The following TRIP12 variants were observed in gnomAD, a reference collection of about 807,000 sequenced individuals.
The protein encoded by TRIP12 is E3 ubiquitin-protein ligase TRIP12.
TRIP12 carries 25 observed loss-of-function variants against 244.2 expected under a neutral mutation model. That is an observed-to-expected ratio of 0.10 (90% CI 0.07 to 0.14). The LOEUF (loss-of-function observed/expected upper bound fraction) is 0.14. TRIP12 is among the 10% of genes least tolerant of loss of function. The pLI is 1.00. For synonymous variants in TRIP12, 905 were observed against 873.1 expected (o/e 1.04, Z -0.64); for missense variants, 1,677 against 2,486.4 (o/e 0.67, Z 6.92).
chr2:229,771,314 C>T (rs139369855), intron 39 of TRIP12, among the ~76,000 whole-genome samples: 1 of 152,186 alleles, frequency 6.6e-6, no homozygotes, highest in Admixed American at 6.5e-5. Context: ...ACGCGTGGAA[C>T]CCGCTCCCCA....
intron 26 of TRIP12, among the ~76,000 whole-genome samples, chr2:229,793,524 AT>A (rs1208886014): frequency 6.6e-5 from 10 of 151,902 alleles, no homozygotes; most frequent in Non-Finnish European, 1.3e-4. Flanking sequence ...ATTGAATTAT[AT>A]TTTTTAAAAA....
chr2:229,786,131 A>C (rs1160488516), intron 33 of TRIP12, among the ~76,000 whole-genome samples: 4 of 152,174 alleles, frequency 2.6e-5, no homozygotes, highest in African/African-American at 9.7e-5. Context: ...GGAAGAAAAA[A>C]ATCGTCTTTG....
intron 8 of TRIP12, among the ~76,000 whole-genome samples, chr2:229,819,848 C>T (rs995543924): frequency 6.6e-6 from 1 of 152,122 alleles, no homozygotes; most frequent in Non-Finnish European, 1.5e-5. Context: ...CAGTGATATT[C>T]CTGGGGGCGT....
intron 4 of TRIP12, among the ~76,000 whole-genome samples, chr2:229,854,125 C>CT (rs2059208658): frequency 1.3e-5 from 2 of 152,072 alleles, no homozygotes; most frequent in Admixed American, 1.3e-4. Context: ...AAAGTCTGGG[C>CT]TTTCGGTATT....
At chr2:229,864,049 T>TGA (rs1220540272) in intron 2 of TRIP12, among the ~76,000 whole-genome samples, 73 of 68,552 alleles carry the variant, frequency 1.1e-3, no homozygotes, top group South Asian at 6.9e-3. Context: ...AGAGAGAGAG[T>TGA]GTGTGTGTGT....
At chr2:229,868,979 G>C (rs139799009) in intron 2 of TRIP12, among the ~76,000 whole-genome samples, 1,739 of 152,290 alleles carry the variant, frequency 0.011, 14 homozygotes, top group Middle Eastern at 0.027. Flanking sequence ...AATCACTGCT[G>C]GGGGAAGTTT....
At chr2:229,922,922 C>T (rs1159954797), upstream of TRIP12, among the ~76,000 whole-genome samples, 1 of 152,214 alleles carries the variant, frequency 6.6e-6, no homozygotes, top group Non-Finnish European at 1.5e-5. Context: ...ACGGGCGTCT[C>T]CGGCTTGCGT....
chr2:229,803,938 T>A lies in TRIP12; in HGVS notation c.2879+61A>T, dbSNP rs2045168633. 3 of 1,430,852 alleles carry A rather than the reference T, an allele frequency of 2.1e-6. 1 individual carries two copies. In the African/African-American group the frequency reaches 4.3e-5, roughly 21 times the overall value. 88.6% of individuals were successfully genotyped at this position (1,430,852 alleles called of 1,614,324 possible). A position where few individuals can be genotyped will look rare whatever the true frequency, so the allele number is the denominator to read the frequency against. The stretch of plus-strand genomic sequence containing the variant: ...TTTTTCTATTATTACTTTAGAGGTT[T>A]CTGAAATTACTTGCAGAGATTTGTA... On this transcript the variant is annotated intron_variant, in intron 19 of 41. Coordinates refer to ENST00000675903, the MANE Select transcript of TRIP12 (RefSeq NM_001348323.3).
At chr2:229,800,185 A>G (rs1332124631) in intron 21 of TRIP12, among the ~76,000 whole-genome samples, 2 of 152,226 alleles carry the variant, frequency 1.3e-5, no homozygotes, top group African/African-American at 2.4e-5. Context: ...AAGTAATTTC[A>G]TAGTGTGACA....
rs1287357708 is a variant in TRIP12 at position 229,796,750 on chromosome 2, G to C, written c.3657C>G (p.Ile1219Met). Residue 1219 changes from isoleucine (I) to methionine (M), a missense_variant, in exon 25 of 42, where the codon ATC (isoleucine) becomes ATG (methionine). Physicochemically the swap from Ile to Met is conservative, Grantham distance 10 (BLOSUM62 1). Transcript: ENST00000675903. ...VDGGAECLVEIRSIVSESDVS... is the reference protein window; with the variant it reads ...VDGGAECLVEMRSIVSESDVS... ...CATCTGACTCTGAGACTATGCTACGGATTTCTACAAGGCACTCAGCTCCAC... is the reference window on the plus strand; with the variant it reads ...CATCTGACTCTGAGACTATGCTACGCATTTCTACAAGGCACTCAGCTCCAC... 6.2e-7 allele frequency: 1 copy of C among 1,600,644 alleles called. No individual in the cohort carries two copies. The highest frequency in any genetic ancestry group is 8.5e-7 in the Non-Finnish European group (1 of 1,175,970).
chr2:229,886,467 T>A (rs77228556), intron 1 of TRIP12, among the ~76,000 whole-genome samples: 9 of 129,446 alleles, frequency 7.0e-5, no homozygotes, highest in African/African-American at 1.2e-4. Flanking sequence ...AAAAATAGCA[T>A]TTTTTTTTTT....
At chr2:229,871,440 C>A (rs1448005079) in intron 2 of TRIP12, among the ~76,000 whole-genome samples, 1 of 152,112 alleles carries the variant, frequency 6.6e-6, no homozygotes, top group African/African-American at 2.4e-5. Flanking sequence ...TGGCTTAATG[C>A]CAATGCCCTT....
intron 32 of TRIP12, 113 bp downstream of exon 32, chr2:229,788,685 G>A (rs2040682676): frequency 7.3e-7 from 1 of 1,368,110 alleles, no homozygotes; most frequent in East Asian, 2.3e-5. Context: ...GTGATCAACA[G>A]TATTAATAAA....
Position 229,791,187 on chromosome 2 carries a change from C to A in TRIP12, c.4480G>T (p.Ala1494Ser), listed in dbSNP as rs766891464. 6.2e-7 allele frequency: 1 copy of A among 1,613,968 alleles called. No homozygotes were observed. Among genetic ancestry groups the A allele is most frequent in the Non-Finnish European group, 8.5e-7 (1 of 1,179,982 alleles). Residue 1494 changes from alanine to serine, a missense_variant, in exon 30 of 42, where the codon GCC becomes TCC. Coordinates refer to ENST00000675903, the MANE Select transcript of TRIP12 (RefSeq NM_001348323.3). The part of the protein sequence containing the change: ...KDCVGGKRGR[A>S]QTAPTKTSPR... ...GAAGTTTTCGTTGGAGCTGTTTGGG[C>A]TCTTCCTCTTTTACCACCAACACAA...
Position 229,859,206 on chromosome 2 carries a change from C to G in TRIP12, c.593G>C (p.Cys198Ser). ...TTCAGACCCGGAGCCACTCTTTACACAAGAACTCTCTGTCCTTTTTCTTTT... is the reference window on the plus strand; with the variant it reads ...TTCAGACCCGGAGCCACTCTTTACAGAAGAACTCTCTGTCCTTTTTCTTTT... Reference protein sequence around the residue: ...SQKRKRTESSCVKSGSGSEST... With the variant: ...SQKRKRTESSSVKSGSGSEST... The change falls in exon 4 of 42, where the codon TGT becomes TCT. Residue 198 changes from cysteine to serine, a missense_variant. Physicochemically the swap from Cys to Ser is moderately radical, Grantham distance 112. Transcript: ENST00000675903. 2 of 1,614,190 alleles carry G rather than the reference C, an allele frequency of 1.2e-6. No individual in the cohort carries two copies. The highest frequency in any genetic ancestry group is 1.7e-6 in the Non-Finnish European group (2 of 1,180,036).
At chr2:229,916,871 A>AG (rs1479995452) in intron 1 of TRIP12, among the ~76,000 whole-genome samples, 1 of 151,672 alleles carries the variant, frequency 6.6e-6, no homozygotes, top group East Asian at 1.9e-4. Flanking sequence ...AAAAAAAAAA[A>AG]AAGAAAAATC....
chr2:229,864,045 AGAGT>A (rs1209849024), intron 2 of TRIP12, among the ~76,000 whole-genome samples: 565 of 67,200 alleles, frequency 8.4e-3, no homozygotes, highest in African/African-American at 0.022. Flanking sequence ...AGAGAGAGAG[AGAGT>A]GTGTGTGTGT....
At chr2:229,767,944 G>T (rs562180958) in intron 41 of TRIP12, among the ~76,000 whole-genome samples, 194 bp from the exon 42 acceptor site, 2 of 152,268 alleles carry the variant, frequency 1.3e-5, no homozygotes, top group South Asian at 4.2e-4. Flanking sequence ...GTATAACATG[G>T]AGGCAACAGT....
intron 1 of TRIP12, among the ~76,000 whole-genome samples, chr2:229,884,231 CTTTTCTTTTTTTTTTTTTT>C (rs2065485508): frequency 8.2e-6 from 1 of 122,568 alleles, no homozygotes; most frequent in African/African-American, 3.1e-5. Flanking sequence ...TGCAATTTTT[CTTTTCTTTTTTTTTTTTTT>C]TTTTGAGACA....
Sources: allele counts gnomAD v4.1 joint callset (sites outside exome capture counted in the v4.1 genomes callset), GRCh38; gene constraint gnomAD v4.1.1; transcripts MANE v1.5; gene names NCBI Gene and HGNC (gene_info 2026-07-23, HGNC 2026-07-21).